The following KCNMB2 variants were observed in gnomAD, a reference collection of about 807,000 sequenced individuals.
KCNMB2 encodes the protein potassium calcium-activated channel subfamily M regulatory beta subunit 2.
Under a neutral mutation model 24.5 loss-of-function variants are expected in KCNMB2, and 9 were observed. That is an observed-to-expected ratio of 0.37 (90% confidence interval 0.22 to 0.64). The LOEUF is 0.64. Ranked by LOEUF, KCNMB2 falls within the 30% of genes least tolerant of loss-of-function variation. KCNMB2 has a pLI of 0.63. For synonymous variants in KCNMB2, 109 were observed against 104.4 expected, an observed-to-expected ratio of 1.04 and a Z score of -0.27; for missense variants, 226 against 284.3, an observed-to-expected ratio of 0.79 and a Z score of 1.47.
chr3:178,729,396 C>A (rs1257707666), intron 1 of KCNMB2: 1 of 152,166 alleles, frequency 6.6e-6, no homozygotes, highest in Non-Finnish European at 1.5e-5. Flanking sequence ...TCAGCAACTG[C>A]AAGCAGACAA....
chr3:178,563,142 C>A (rs1250653159), intron 1 of KCNMB2, among the ~76,000 whole-genome samples: 1 of 152,086 alleles, frequency 6.6e-6, no homozygotes, highest in African/African-American at 2.4e-5. Context: ...CCCTTGTGAG[C>A]CTGGTGGTTG....
At chr3:178,595,405 G>A (rs1717831944) in intron 1 of KCNMB2, among the ~76,000 whole-genome samples, 1 of 152,018 alleles carries the variant, frequency 6.6e-6, no homozygotes, top group Admixed American at 6.6e-5. Flanking sequence ...TGAAAAGCCC[G>A]AGGTCCTGCT....
chr3:178,843,087 A>G lies in KCNMB2; in HGVS notation c.*150A>G, dbSNP rs1256564379. ...AGAGCAATAATGCAAAAGCTGTTCT[A>G]TATGCAAACATGATGTCTTTATTAT... On this transcript the variant is annotated 3_prime_UTR_variant, in exon 5 of 5. Coordinates refer to ENST00000452583, the MANE Select transcript of KCNMB2 (RefSeq NM_181361.3). 2.0e-5 allele frequency: 14 copies of G among 685,812 alleles called. No homozygotes were observed. The highest frequency in any genetic ancestry group is 2.0e-4 in the South Asian group (12 of 60,556). 42.5% of individuals were successfully genotyped at this position (685,812 alleles called of 1,614,324 possible).
chr3:178,764,489 A>G (rs1487553771), intron 1 of KCNMB2, among the ~76,000 whole-genome samples: 2 of 152,232 alleles, frequency 1.3e-5, no homozygotes, highest in Non-Finnish European at 2.9e-5. Context: ...TTTGTAGCCT[A>G]GGAGCAATAG....
chr3:178,805,386 CT>C (rs1197146066), intron 1 of KCNMB2, among the ~76,000 whole-genome samples: 1 of 152,190 alleles, frequency 6.6e-6, no homozygotes, highest in Non-Finnish European at 1.5e-5. Flanking sequence ...CAGTTTCAAA[CT>C]CTCCGTGGTA....
chr3:178,699,561 C>T (rs1202618513), intron 1 of KCNMB2, among the ~76,000 whole-genome samples: 1 of 152,180 alleles, frequency 6.6e-6, no homozygotes, highest in Non-Finnish European at 1.5e-5. Flanking sequence ...TGTGGGCCCC[C>T]CGGGCACCCA....
intron 1 of KCNMB2, among the ~76,000 whole-genome samples, chr3:178,639,792 G>A (rs764274404): frequency 1.3e-5 from 2 of 152,174 alleles, no homozygotes; most frequent in Non-Finnish European, 2.9e-5. Flanking sequence ...ACCTACGTGT[G>A]CCATGTGGTT....
At chr3:178,574,576 C>T (rs937763476) in intron 1 of KCNMB2, among the ~76,000 whole-genome samples, 6 of 152,200 alleles carry the variant, frequency 3.9e-5, no homozygotes, top group Non-Finnish European at 5.9e-5. Flanking sequence ...TATCTTTTCT[C>T]ATCCAGTCCG....
intron 1 of KCNMB2, among the ~76,000 whole-genome samples, chr3:178,568,773 T>TATA: frequency 8.6e-6 from 1 of 115,970 alleles, no homozygotes; most frequent in East Asian, 2.6e-4. Flanking sequence ...GATAGATAGA[T>TATA]GATAGATAGA....
intron 1 of KCNMB2, among the ~76,000 whole-genome samples, chr3:178,653,463 A>T (rs1301978412): frequency 6.6e-6 from 1 of 152,054 alleles, no homozygotes; most frequent in East Asian, 1.9e-4. Context: ...GTACTGTACC[A>T]AATAGTAGTA....
intron 1 of KCNMB2, among the ~76,000 whole-genome samples, chr3:178,715,007 AT>A (rs1722573600): frequency 6.6e-6 from 1 of 152,232 alleles, no homozygotes; most frequent in African/African-American, 2.4e-5. Context: ...AAAGAAAAAA[AT>A]ATCTGACCAC....
Position 178,822,047 on chromosome 3 carries a change from T to A in KCNMB2, c.57-3541T>A, listed in dbSNP as rs528468575. ...GTGTCACCCTCTGACAGATTCCTAT[T>A]CACTACAGAATAAAGGCCAAGCTCT... On this transcript the variant is annotated intron_variant, in intron 2 of 4. Transcript: ENST00000452583. 6.0e-4 allele frequency among the ~76,000 whole-genome samples: 91 copies of A among 152,266 alleles called. 1 individual carries two copies. Among genetic ancestry groups the A allele is most frequent in the South Asian group, 2.5e-3 (12 of 4,818 alleles).
At chr3:178,607,238 C>T (rs933302661) in intron 1 of KCNMB2, among the ~76,000 whole-genome samples, 3 of 152,102 alleles carry the variant, frequency 2.0e-5, no homozygotes, top group African/African-American at 7.2e-5. Context: ...GTATACAGTG[C>T]AGTGGCAAAG....
At chr3:178,644,634 T>C (rs1031473407) in intron 1 of KCNMB2, among the ~76,000 whole-genome samples, 1 of 152,228 alleles carries the variant, frequency 6.6e-6, no homozygotes, top group Non-Finnish European at 1.5e-5. Flanking sequence ...GACATGTGTA[T>C]GTGTGCATCG....
At chr3:178,702,525 C>T (rs1461262448) in intron 1 of KCNMB2, among the ~76,000 whole-genome samples, 4 of 151,594 alleles carry the variant, frequency 2.6e-5, no homozygotes, top group Non-Finnish European at 5.9e-5. Context: ...GAAACTGAGC[C>T]CCACTGAGCT....
chr3:178,758,416 A>C (rs188655073), intron 1 of KCNMB2, among the ~76,000 whole-genome samples: 915 of 23,132 alleles, frequency 0.04, 104 homozygotes, highest in Non-Finnish European at 0.041. Context: ...ATATATATAT[A>C]TCCAAGAGGG....
chr3:178,652,428 G>T (rs1304016115), intron 1 of KCNMB2, among the ~76,000 whole-genome samples: 2 of 151,346 alleles, frequency 1.3e-5, no homozygotes, highest in Non-Finnish European at 2.9e-5. Context: ...TAAAAAACCT[G>T]CACGTTCTGC....
At chr3:178,829,278 T>G (rs562474393) in intron 4 of KCNMB2, among the ~76,000 whole-genome samples, 1 of 152,264 alleles carries the variant, frequency 6.6e-6, no homozygotes, top group East Asian at 1.9e-4. Flanking sequence ...ACCTCTAATC[T>G]TTCTTGTAAA....
At position 178,758,649 on chromosome 3, in the gene KCNMB2, T is replaced by TATATATATATATATCTCCAAGAGG. The variant is rs1711501181; in HGVS notation, c.-67-48684_-67-48683insATATCTCCAAGAGGATATATATAT. ...ATATATATCTCTCTCTCCAAGAGGA[T>TATATATATATATATCTCCAAGAGG]ATATATATATCTCTCTCCAAGAGGA... On this transcript the variant is annotated intron_variant, in intron 1 of 4. Coordinates refer to ENST00000452583, the MANE Select transcript of KCNMB2 (RefSeq NM_181361.3). 4.0e-5 allele frequency among the ~76,000 whole-genome samples: 2 copies of TATATATATATATATCTCCAAGAGG among 49,466 alleles called. 1 individual carries two copies. The highest frequency in any genetic ancestry group is 1.2e-4 in the African/African-American group (2 of 16,084). The allele number at this position is 49,466 out of a possible 152,430, so 32.5% of individuals were successfully genotyped here. A position where few individuals can be genotyped will look rare whatever the true frequency, so the allele number is the denominator to read the frequency against.
Sources: allele counts gnomAD v4.1 joint callset (sites outside exome capture counted in the v4.1 genomes callset), GRCh38; gene constraint gnomAD v4.1.1; transcripts MANE v1.5; gene names NCBI Gene and HGNC (gene_info 2026-07-23, HGNC 2026-07-21).